Variants in HYDIN observed in about 807,000 individuals in gnomAD.
HYDIN encodes axonemal central pair apparatus protein HYDIN.
HYDIN carries 132 observed loss-of-function variants against 403.9 expected under a neutral mutation model. That is an observed-to-expected ratio of 0.33 (90% CI 0.28 to 0.38). The LOEUF is 0.38. Ranked by LOEUF, HYDIN falls within the 10% of genes least tolerant of loss-of-function variation. The probability of loss-of-function intolerance (pLI) is 1.00; values close to 1 mark genes in which losing one functional copy is unlikely to be tolerated. For synonymous variants in HYDIN, 1,202 were observed against 1,891.7 expected (o/e 0.64, Z 9.46); for missense variants, 2,827 against 5,009.5 (o/e 0.56, Z 13.15).
intron 5 of HYDIN, among the ~76,000 whole-genome samples, chr16:71,173,678 T>C (rs2086554409): frequency 6.6e-6 from 1 of 152,150 alleles, no homozygotes; most frequent in Non-Finnish European, 1.5e-5. Context: ...CCCCCTTCTA[T>C]TGTTATACAG....
intron 41 of HYDIN, among the ~76,000 whole-genome samples, chr16:70,950,930 T>C (rs1451599606): frequency 2.6e-5 from 4 of 152,158 alleles, no homozygotes; most frequent in African/African-American, 9.7e-5. Flanking sequence ...AGCCGCCAGG[T>C]CCACTTAGAG....
At chr16:71,118,612 T>A (rs917275224) in intron 9 of HYDIN, among the ~76,000 whole-genome samples, 2 of 151,790 alleles carry the variant, frequency 1.3e-5, no homozygotes, top group African/African-American at 4.8e-5. Flanking sequence ...TGAGAGCATA[T>A]GAGGAACAGA....
chr16:71,169,414 C>T (rs1008657811), intron 5 of HYDIN, among the ~76,000 whole-genome samples: 6 of 151,964 alleles, frequency 3.9e-5, no homozygotes, highest in Non-Finnish European at 8.8e-5. Context: ...GCCTGGGCAA[C>T]AGAGTGAGAC....
At chr16:71,187,164 G>A (rs1386529839) in intron 1 of HYDIN, among the ~76,000 whole-genome samples, 1 of 152,006 alleles carries the variant, frequency 6.6e-6, no homozygotes, top group Non-Finnish European at 1.5e-5. Flanking sequence ...GGAAGACATG[G>A]AAGTACAAGT....
chr16:71,064,759 T>A lies in HYDIN; in HGVS notation c.2157A>T (p.Thr719=). Residue 719 remains threonine (T), a synonymous_variant, in exon 16 of 86, where the codon ACA becomes ACT. Coordinates refer to ENST00000393567, the MANE Select transcript of HYDIN (RefSeq NM_001270974.2). ...GGTCATCTTGATTGGCAAGCTGGAGTGTTTTCTCATACGGGTACTTCAGGA... is the reference window on the plus strand; with the variant it reads ...GGTCATCTTGATTGGCAAGCTGGAGAGTTTTCTCATACGGGTACTTCAGGA... ...HCFLKYPYEK[T]LQLANQDDLP... The A allele has an allele frequency of 1.2e-6, 2 of 1,613,936 alleles. No individual in the cohort carries two copies. Among genetic ancestry groups the A allele is most frequent in the Non-Finnish European group, 1.7e-6 (2 of 1,179,982 alleles).
intron 1 of HYDIN, among the ~76,000 whole-genome samples, chr16:71,227,417 A>G (rs1434315493): frequency 6.6e-6 from 1 of 152,206 alleles, no homozygotes; most frequent in Non-Finnish European, 1.5e-5. Context: ...AGGAAACCCC[A>G]TCTTCTCAGG....
At chr16:70,925,134 G>A (rs561506166) in intron 45 of HYDIN, among the ~76,000 whole-genome samples, 12 of 152,056 alleles carry the variant, frequency 7.9e-5, no homozygotes, top group Admixed American at 5.2e-4. Flanking sequence ...CTCTCTGGAG[G>A]GAGACAACAT....
At chr16:71,073,925 T>C (rs1340009586) in intron 13 of HYDIN, among the ~76,000 whole-genome samples, 2 of 152,178 alleles carry the variant, frequency 1.3e-5, no homozygotes, top group African/African-American at 4.8e-5. Context: ...CCATCAAAAA[T>C]CTTTATAGCC....
At chr16:70,894,410 C>T (rs370686308) in intron 55 of HYDIN, 39 bp downstream of exon 55, 367 of 1,610,812 alleles carry the variant, frequency 2.3e-4, no homozygotes, top group Admixed American at 1.5e-4. Flanking sequence ...CTCCCCACGG[C>T]GGACTTGATG....
chr16:71,093,897 C>T lies in HYDIN; in HGVS notation c.1366G>A (p.Gly456Ser). 6.2e-7 allele frequency: 1 copy of T among 1,613,646 alleles called. No individual in the cohort carries two copies. The highest frequency in any genetic ancestry group is 1.3e-5 in the African/African-American group (1 of 75,024). Residue 456 changes from glycine (G) to serine (S), a missense_variant, in exon 11 of 86, where the codon GGC becomes AGC. Transcript: ENST00000393567. ...IRLPLRIKGEGMGPKIHFNFE... is the reference protein window; with the variant it reads ...IRLPLRIKGESMGPKIHFNFE... The stretch of plus-strand genomic sequence containing the variant: ...TTGAAGTGAATCTTAGGTCCCATGC[C>T]TTCCCCTTTGATTCGGAGGGGCAGA...
At chr16:71,188,450 C>T (rs1183917240) in intron 1 of HYDIN, among the ~76,000 whole-genome samples, 1 of 152,120 alleles carries the variant, frequency 6.6e-6, no homozygotes, top group African/African-American at 2.4e-5. Flanking sequence ...GTGACAACAA[C>T]AGAAGCAATA....
At chr16:71,186,028 G>A (rs916501068) in intron 2 of HYDIN, among the ~76,000 whole-genome samples, 1 of 152,148 alleles carries the variant, frequency 6.6e-6, no homozygotes, top group African/African-American at 2.4e-5. Flanking sequence ...AGAGGTGTCA[G>A]CTATATTGTG....
intron 41 of HYDIN, among the ~76,000 whole-genome samples, chr16:70,944,967 G>A (rs2077806008): frequency 1.3e-5 from 2 of 152,160 alleles, no homozygotes; most frequent in Non-Finnish European, 2.9e-5. Flanking sequence ...TGGCTAGGCT[G>A]GTCTCGAACT....
intron 18 of HYDIN, among the ~76,000 whole-genome samples, chr16:71,045,714 G>C (rs1193366013): frequency 9.5e-6 from 1 of 105,096 alleles, no homozygotes; most frequent in Non-Finnish European, 2.0e-5. Flanking sequence ...ACAGTGCTAG[G>C]AAGCATCTTT....
At chr16:71,061,930 C>A (rs1203231643) in intron 17 of HYDIN, among the ~76,000 whole-genome samples, 1 of 150,470 alleles carries the variant, frequency 6.6e-6, no homozygotes, top group African/African-American at 2.5e-5. Context: ...CTCCTGGTAT[C>A]CTGTTAGGTT....
At chr16:70,854,210 G>A (rs7404800) in intron 73 of HYDIN, among the ~76,000 whole-genome samples, 1 of 151,858 alleles carries the variant, frequency 6.6e-6, no homozygotes, top group Non-Finnish European at 1.5e-5. Context: ...AACTACATGT[G>A]AATTTACAAT....
At chr16:71,199,089 G>A (rs555505138) in intron 1 of HYDIN, among the ~76,000 whole-genome samples, 52 of 152,244 alleles carry the variant, frequency 3.4e-4, no homozygotes, top group South Asian at 1.7e-3. Context: ...ATGAGACGGC[G>A]TATCTTTTCA....
chr16:71,149,696 T>C (rs1473296958), intron 7 of HYDIN, among the ~76,000 whole-genome samples: 1 of 152,056 alleles, frequency 6.6e-6, no homozygotes, highest in African/African-American at 2.4e-5. Flanking sequence ...CTGCCTAATT[T>C]TTTTGTATTT....
At chr16:71,063,775 A>G (rs1401014238) in intron 16 of HYDIN, among the ~76,000 whole-genome samples, 2 of 152,096 alleles carry the variant, frequency 1.3e-5, no homozygotes, top group Non-Finnish European at 2.9e-5. Context: ...TTAAACACAC[A>G]TATGATTGGA....
Sources: gnomAD v4.1 joint callset for allele counts (sites outside exome capture counted in the v4.1 genomes callset) on GRCh38, gnomAD v4.1.1 for gene constraint, MANE v1.5 for transcripts, NCBI Gene and HGNC (gene_info 2026-07-23, HGNC 2026-07-21) for gene names.